Variants in DLGAP1 observed in about 807,000 individuals in gnomAD.
The protein encoded by DLGAP1 is disks large-associated protein 1.
DLGAP1 carries 11 observed loss-of-function variants against 90.8 expected under a neutral mutation model. That is an observed-to-expected ratio of 0.12 (90% confidence interval 0.08 to 0.20). The LOEUF is 0.20. Among genes scored for constraint, DLGAP1 ranks in the 10% least tolerant of loss-of-function variants. The pLI, the probability that DLGAP1 is intolerant of heterozygous loss-of-function variation, is 1.00. For synonymous variants in DLGAP1, 558 were observed against 540.7 expected (o/e 1.03, Z -0.44); for missense variants, 1,050 against 1,333.8 (o/e 0.79, Z 3.31).
intron 2 of DLGAP1, among the ~76,000 whole-genome samples, chr18:4,071,550 G>A (rs1036147503): frequency 2.0e-5 from 3 of 152,090 alleles, no homozygotes; most frequent in African/African-American, 4.8e-5. Context: ...ATTTGTCAGC[G>A]TCGTCTCAGG....
At chr18:3,620,535 G>A (rs542641054) in intron 7 of DLGAP1, among the ~76,000 whole-genome samples, 177 of 141,950 alleles carry the variant, frequency 1.2e-3, no homozygotes, top group African/African-American at 4.4e-3. Flanking sequence ...GAGAACAACT[G>A]CTATCACATT....
intron 2 of DLGAP1, among the ~76,000 whole-genome samples, chr18:4,142,759 T>A (rs1299708024): frequency 1.3e-5 from 2 of 152,184 alleles, no homozygotes; most frequent in African/African-American, 4.8e-5. Flanking sequence ...TTGGTATTCA[T>A]AAATTTGAGT....
intron 1 of DLGAP1, among the ~76,000 whole-genome samples, chr18:4,250,055 A>G (rs1020101053): frequency 6.6e-6 from 1 of 152,210 alleles, no homozygotes; most frequent in Non-Finnish European, 1.5e-5. Flanking sequence ...AAGGGTTTAG[A>G]TCCCACTAAG....
chr18:4,247,884 G>C (rs1203784888), intron 1 of DLGAP1, among the ~76,000 whole-genome samples: 1 of 152,102 alleles, frequency 6.6e-6, no homozygotes, highest in Non-Finnish European at 1.5e-5. Flanking sequence ...CATGGCCCTT[G>C]GGATTTAACC....
chr18:3,516,752 G>A (rs1568113464), intron 10 of DLGAP1, among the ~76,000 whole-genome samples: 1 of 152,164 alleles, frequency 6.6e-6, no homozygotes, highest in Non-Finnish European at 1.5e-5. Flanking sequence ...AAAATCATCA[G>A]ATCTCATAAG....
intron 1 of DLGAP1, among the ~76,000 whole-genome samples, chr18:4,320,263 T>A (rs2080646267): frequency 6.6e-6 from 1 of 152,208 alleles, no homozygotes; most frequent in African/African-American, 2.4e-5. Context: ...GAAGTGACCA[T>A]AACAACTCCA....
At chr18:3,701,705 G>A (rs1017022690) in intron 7 of DLGAP1, among the ~76,000 whole-genome samples, 4 of 152,190 alleles carry the variant, frequency 2.6e-5, no homozygotes, top group African/African-American at 9.7e-5. Context: ...TGGACTTTGG[G>A]TGATAAAGAA....
chr18:4,266,916 T>C (rs1399866653), intron 1 of DLGAP1, among the ~76,000 whole-genome samples: 6 of 151,724 alleles, frequency 4.0e-5, no homozygotes, highest in Non-Finnish European at 8.8e-5. Context: ...GTAATCTTTA[T>C]ATAAATTTGG....
At chr18:3,621,514 T>C (rs2058095300) in intron 7 of DLGAP1, among the ~76,000 whole-genome samples, 1 of 152,234 alleles carries the variant, frequency 6.6e-6, no homozygotes, top group South Asian at 2.1e-4. Context: ...AACCTACTCT[T>C]GTGCCAATCA....
intron 7 of DLGAP1, among the ~76,000 whole-genome samples, chr18:3,601,439 G>GGTGTGTGTGTGT (rs112583120): frequency 1.4e-4 from 21 of 148,022 alleles, no homozygotes; most frequent in African/African-American, 5.0e-4. Context: ...CATATGCAAG[G>GGTGTGTGTGTGT]GTGTGTGTGT....
intron 7 of DLGAP1, among the ~76,000 whole-genome samples, chr18:3,652,182 A>AAG (rs1365735446): frequency 5.4e-4 from 73 of 135,744 alleles, no homozygotes; most frequent in African/African-American, 2.5e-3. Context: ...AAAAAAAAAG[A>AAG]AAAGAAAGAA....
chr18:3,624,799 C>A (rs995114585), intron 7 of DLGAP1, among the ~76,000 whole-genome samples: 1 of 152,148 alleles, frequency 6.6e-6, no homozygotes, highest in Non-Finnish European at 1.5e-5. Flanking sequence ...CATATCACAT[C>A]TGAGTTAGGC....
At chr18:3,507,215 C>T (rs892345658) in intron 11 of DLGAP1, among the ~76,000 whole-genome samples, 3 of 151,900 alleles carry the variant, frequency 2.0e-5, no homozygotes, top group Non-Finnish European at 2.9e-5. Context: ...TGGCCAAGTG[C>T]GATGGCGTGC....
Position 4,213,888 on chromosome 18 carries a change from G to A in DLGAP1, c.-266-62601C>T, listed in dbSNP as rs143438851. Reference sequence around the variant, plus strand: ...GTGGTGTTAAAGTCCAGGAGCCAGCGGTAAAGAAAGAGGACCTGGCTGAGG... The same window carrying A: ...GTGGTGTTAAAGTCCAGGAGCCAGCAGTAAAGAAAGAGGACCTGGCTGAGG... On this transcript the variant is annotated intron_variant, in intron 1 of 12. Coordinates refer to ENST00000315677, the MANE Select transcript of DLGAP1 (RefSeq NM_004746.4). Among the ~76,000 whole-genome samples the A allele has an allele frequency of 7.4e-3, 1,129 of 152,198 alleles. 12 individuals carry two copies. The highest frequency in any genetic ancestry group is 0.026 in the African/African-American group (1,074 of 41,528).
chr18:3,547,117 G>T (rs187240291), intron 9 of DLGAP1, among the ~76,000 whole-genome samples: 2,403 of 151,810 alleles, frequency 0.016, 69 homozygotes, highest in African/African-American at 0.055. Context: ...CTGGCTAACA[G>T]GGTGAAACCC....
At chr18:3,559,946 G>A (rs950035609) in intron 9 of DLGAP1, among the ~76,000 whole-genome samples, 12 of 151,864 alleles carry the variant, frequency 7.9e-5, no homozygotes, top group Admixed American at 2.0e-4. Context: ...ATAACACTAT[G>A]ACACTTCACA....
intron 1 of DLGAP1, among the ~76,000 whole-genome samples, chr18:4,420,796 C>T (rs1206127443): frequency 6.6e-6 from 1 of 152,194 alleles, no homozygotes; most frequent in Non-Finnish European, 1.5e-5. Context: ...TAATTACCTA[C>T]CGTGGTGATT....
chr18:3,823,949 CAAAAAAA>C lies in DLGAP1; in HGVS notation c.958-9683_958-9677del, dbSNP rs60286806. 1.1e-4 allele frequency among the ~76,000 whole-genome samples: 4 copies of C among 36,556 alleles called. No individual in the cohort carries two copies. The East Asian group carries it at 4.3e-3, about 40-fold the overall frequency. 24.0% of individuals were successfully genotyped at this position (36,556 alleles called of 152,430 possible). ...TGGGTGACAGAGTGAGACTCCCTCT[CAAAAAAA>C]AAAAAAAAAAAAAAAAAAAAAATAG... is the stretch of plus-strand genomic sequence containing the variant. On this transcript the variant is annotated intron_variant, in intron 4 of 12. Coordinates refer to ENST00000315677, the MANE Select transcript of DLGAP1 (RefSeq NM_004746.4).
intron 7 of DLGAP1, among the ~76,000 whole-genome samples, chr18:3,602,187 C>T (rs145248074): frequency 6.6e-6 from 1 of 152,296 alleles, no homozygotes; most frequent in African/African-American, 2.4e-5. Flanking sequence ...TTCATTCAAG[C>T]TTTGCCTAGT....
Sources: gnomAD v4.1 joint callset for allele counts (sites outside exome capture counted in the v4.1 genomes callset) on GRCh38, gnomAD v4.1.1 for gene constraint, MANE v1.5 for transcripts, NCBI Gene and HGNC (gene_info 2026-07-23, HGNC 2026-07-21) for gene names.